Variants in DNAH5 observed in about 807,000 individuals in gnomAD.
The protein encoded by DNAH5 is dynein axonemal heavy chain 5.
DNAH5 carries 372 observed loss-of-function variants against 518.2 expected under a neutral mutation model. The observed-to-expected ratio is 0.72, with a 90% CI of 0.66 to 0.78. The LOEUF (loss-of-function observed/expected upper bound fraction) is 0.78, where lower values mean the gene tolerates loss of function less well. DNAH5 is among the 30% of genes least tolerant of loss of function. The probability of loss-of-function intolerance (pLI) is 0.00; values close to 1 mark genes in which losing one functional copy is unlikely to be tolerated. For missense variants in DNAH5, 5,523 were observed against 5,687.0 expected (o/e 0.97, Z 0.93); for synonymous variants, 2,039 against 2,025.9 (o/e 1.01, Z -0.17).
At chr5:13,914,729 C>A in intron 9 of DNAH5, 87 bp from the exon 10 acceptor site, 1 of 1,338,834 alleles carries the variant, frequency 7.5e-7, no homozygotes, top group Non-Finnish European at 1.1e-6. Context: ...TCTTCTACTT[C>A]TCAGAGTTCA....
At chr5:13,839,008 A>C (rs1163797485) in intron 35 of DNAH5, among the ~76,000 whole-genome samples, 1 of 151,964 alleles carries the variant, frequency 6.6e-6, no homozygotes, top group South Asian at 2.1e-4. Context: ...GAAAATCTTA[A>C]TTGTCTCCCA....
intron 17 of DNAH5, among the ~76,000 whole-genome samples, chr5:13,890,273 A>G (rs918889179): frequency 2.6e-5 from 4 of 151,904 alleles, no homozygotes; most frequent in African/African-American, 7.3e-5. Context: ...CAGGCGTGGC[A>G]GCGTGTGCCT....
intron 21 of DNAH5, 142 bp downstream of exon 21, chr5:13,882,586 A>AT (rs1771821012): frequency 5.7e-6 from 4 of 707,268 alleles, no homozygotes; most frequent in Admixed American, 2.3e-5. Flanking sequence ...GGACCTTGAT[A>AT]TTTTGTCAAC....
At chr5:13,781,949 T>A (rs1755212161) in intron 52 of DNAH5, among the ~76,000 whole-genome samples, 1 of 152,198 alleles carries the variant, frequency 6.6e-6, no homozygotes, top group Admixed American at 6.5e-5. Flanking sequence ...AGCCCAAGAC[T>A]ATTCCACAGC....
Position 13,770,819 on chromosome 5 carries a change from G to C in DNAH5, c.9535C>G (p.Leu3179Val). The C allele has an allele frequency of 1.2e-6, 2 of 1,614,076 alleles. No homozygotes were observed. The highest frequency in any genetic ancestry group is 1.7e-6 in the Non-Finnish European group (2 of 1,180,000). ...AACTTATAGCCCTGAATAAAGGAGA[G>C]GTATGATTTGGGCGTCACGTGGGTA... ...RSTHVTPKSY[L>V]SFIQGYKFIY... Residue 3179 changes from leucine (L) to valine (V), a missense_variant, in exon 56 of 79, where the codon CTC becomes GTC. Leu to Val is a conservative substitution (Grantham distance 32). Around this residue, in one of 3 missense-constraint regions of DNAH5, gnomAD observed 5,121 missense variants for 5,223.3 expected, o/e 0.98. Coordinates refer to ENST00000265104, the MANE Select transcript of DNAH5 (RefSeq NM_001369.3).
intron 4 of DNAH5, 29 bp from the exon 5 acceptor site, chr5:13,922,357 GT>G: frequency 1.3e-6 from 2 of 1,585,246 alleles, no homozygotes; most frequent in Non-Finnish European, 1.7e-6. Flanking sequence ...ATCTTTTATT[GT>G]AAAAATCATC....
chr5:13,700,749 T>C lies in DNAH5; in HGVS notation c.13614A>G (p.Leu4538=), dbSNP rs1442465218. 4.3e-6 allele frequency: 7 copies of C among 1,614,190 alleles called. No homozygotes were observed. The highest frequency in any genetic ancestry group is 5.9e-6 in the Non-Finnish European group (7 of 1,180,012). The change falls in exon 78 of 79, where the codon TTA becomes TTG. Residue 4538 remains leucine (L), a synonymous_variant. Transcript: ENST00000265104. ...TGTCCCAGCCAGCACCTTCAAGATA[T>C]AAGCCATAGACATAGACACCCTCTG... ...PPTEGVYVYG[L]YLEGAGWDKR...
intron 68 of DNAH5, among the ~76,000 whole-genome samples, chr5:13,732,330 C>A (rs190566995): frequency 6.6e-6 from 1 of 152,220 alleles, no homozygotes; most frequent in Non-Finnish European, 1.5e-5. Flanking sequence ...CATATTCTCA[C>A]TGCAATTCTC....
chr5:13,859,248 C>T (rs752535155), intron 30 of DNAH5, among the ~76,000 whole-genome samples: 2 of 152,064 alleles, frequency 1.3e-5, no homozygotes, highest in African/African-American at 2.4e-5. Flanking sequence ...CACAGTTTTA[C>T]AGCATTCTTA....
intron 32 of DNAH5, 31 bp from the exon 33 acceptor site, chr5:13,841,935 A>AG: frequency 8.9e-7 from 1 of 1,121,170 alleles, no homozygotes; most frequent in East Asian, 2.4e-5. Flanking sequence ...AAAAAAAAAA[A>AG]AAGCTATAGT....
At position 13,741,241 on chromosome 5, in the gene DNAH5, C is replaced by T. The variant is rs527997060; in HGVS notation, c.11212-3746G>A. Among the ~76,000 whole-genome samples the T allele has an allele frequency of 9.2e-5, 14 of 152,286 alleles. No individual in the cohort carries two copies. The South Asian group carries it at 2.9e-3, about 32-fold the overall frequency. On this transcript the variant is annotated intron_variant, in intron 65 of 78. Coordinates refer to ENST00000265104, the MANE Select transcript of DNAH5 (RefSeq NM_001369.3). Reference sequence around the variant, plus strand: ...TTATGTTTCAGCCAGTTAATCACCACTGATTGAATGGTTATAGTTGGTAAG... The same window carrying T: ...TTATGTTTCAGCCAGTTAATCACCATTGATTGAATGGTTATAGTTGGTAAG...
At chr5:13,875,759 G>A (rs1580703461) in intron 22 of DNAH5, among the ~76,000 whole-genome samples, 1 of 152,002 alleles carries the variant, frequency 6.6e-6, no homozygotes, top group Non-Finnish European at 1.5e-5. Context: ...TGTCTCTAGG[G>A]GAAAATTAAA....
chr5:13,750,213 T>C (rs1750023171), intron 65 of DNAH5, among the ~76,000 whole-genome samples: 1 of 152,112 alleles, frequency 6.6e-6, no homozygotes, highest in African/African-American at 2.4e-5. Flanking sequence ...TTAACATAAA[T>C]AATCTTCAGG....
At chr5:13,917,361 G>A in intron 7 of DNAH5, 105 bp from the exon 8 acceptor site, 1 of 818,224 alleles carries the variant, frequency 1.2e-6, no homozygotes, top group Non-Finnish European at 2.1e-6. Flanking sequence ...GAGACCTTCT[G>A]TCCATCTCAC....
chr5:13,935,220 C>T (rs1287338355), intron 1 of DNAH5, among the ~76,000 whole-genome samples: 3 of 152,262 alleles, frequency 2.0e-5, no homozygotes, highest in Middle Eastern at 3.4e-3. Context: ...GGAACTGAGG[C>T]GTTCCAAAGA....
At chr5:13,928,208 T>A (rs112261953) in intron 2 of DNAH5, 30 bp from the exon 3 acceptor site, 1 of 1,551,564 alleles carries the variant, frequency 6.4e-7, no homozygotes, top group Non-Finnish European at 8.9e-7. Context: ...AAGATAATGA[T>A]TTTCAATCCA....
At chr5:13,879,401 G>C (rs567759543) in intron 21 of DNAH5, among the ~76,000 whole-genome samples, 1 of 152,134 alleles carries the variant, frequency 6.6e-6, no homozygotes, top group East Asian at 1.9e-4. Context: ...CTATTGTAAA[G>C]TTAAAAATCT....
Position 13,955,296 on chromosome 5 carries a change from C to A in DNAH5, c.13-24052G>T, listed in dbSNP as rs183218001. 2.4e-3 allele frequency among the ~76,000 whole-genome samples: 366 copies of A among 152,278 alleles called. 2 individuals are homozygous for A. Among genetic ancestry groups the A allele is most frequent in the African/African-American group, 8.3e-3 (346 of 41,550 alleles). On this transcript the variant is annotated intron_variant, in intron 1 of 78. Coordinates refer to the DNAH5 transcript ENST00000681290. ...TGATTGTAAGTTTCCTGAGGCCTCCCCAACCGTGCTTCCTGTTAAGCCTGT... is the reference window on the plus strand; with the variant it reads ...TGATTGTAAGTTTCCTGAGGCCTCCACAACCGTGCTTCCTGTTAAGCCTGT...
intron 68 of DNAH5, among the ~76,000 whole-genome samples, chr5:13,731,783 G>A (rs1406997772): frequency 6.6e-6 from 1 of 152,212 alleles, no homozygotes; most frequent in African/African-American, 2.4e-5. Flanking sequence ...GGCAGACTTA[G>A]AGAATAATCT....
Sources: allele counts gnomAD v4.1 joint callset (sites outside exome capture counted in the v4.1 genomes callset), GRCh38; gene constraint gnomAD v4.1.1; regional missense constraint gnomAD v4.1.1; transcripts MANE v1.5; gene names NCBI Gene and HGNC (gene_info 2026-07-23, HGNC 2026-07-21).